PCDH9: variants seen among roughly 807,000 people sequenced by gnomAD.
The protein encoded by PCDH9 is protocadherin-9.
A neutral mutation model predicts 70.6 loss-of-function variants in PCDH9; 24 were observed. That is an observed-to-expected ratio of 0.34 (90% confidence interval 0.25 to 0.48). The LOEUF (loss-of-function observed/expected upper bound fraction) is 0.48. PCDH9 is among the 20% of genes least tolerant of loss of function. PCDH9 has a pLI of 0.99. For missense variants in PCDH9, 1,281 were observed against 1,503.6 expected (o/e 0.85, Z 2.45); for synonymous variants, 562 against 558.5 (o/e 1.01, Z -0.09).
intron 4 of PCDH9, among the ~76,000 whole-genome samples, chr13:66,584,660 A>G (rs1469923294): frequency 6.6e-6 from 1 of 152,190 alleles, no homozygotes; most frequent in Non-Finnish European, 1.5e-5. Context: ...CTTTTACAGT[A>G]GTCTTCATCA....
At chr13:66,736,091 C>A (rs1341901013) in intron 3 of PCDH9, among the ~76,000 whole-genome samples, 3 of 152,084 alleles carry the variant, frequency 2.0e-5, no homozygotes, top group Non-Finnish European at 4.4e-5. Flanking sequence ...ATGTATCTTT[C>A]ATTATCTATT....
intron 3 of PCDH9, among the ~76,000 whole-genome samples, chr13:66,787,021 A>T (rs2080090464): frequency 6.6e-6 from 1 of 152,200 alleles, no homozygotes; most frequent in Non-Finnish European, 1.5e-5. Flanking sequence ...CAACATCTTA[A>T]CCAAGCTTCT....
chr13:66,731,118 G>T (rs1257728566), intron 3 of PCDH9, among the ~76,000 whole-genome samples: 2 of 151,862 alleles, frequency 1.3e-5, no homozygotes, highest in Non-Finnish European at 2.9e-5. Flanking sequence ...ATTTAGAAAA[G>T]AATCATTCGA....
intron 2 of PCDH9, among the ~76,000 whole-genome samples, chr13:67,028,138 T>C (rs1566373314): frequency 6.7e-6 from 1 of 149,354 alleles, no homozygotes; most frequent in African/African-American, 2.5e-5. Context: ...CTTGCGGCAC[T>C]ATTCACAATA....
chr13:66,708,301 G>A (rs1316028334), intron 3 of PCDH9, among the ~76,000 whole-genome samples: 2 of 151,740 alleles, frequency 1.3e-5, no homozygotes, highest in Non-Finnish European at 2.9e-5. Flanking sequence ...CGCCCGCCTC[G>A]GCCTCCCAAA....
chr13:66,829,758 A>G (rs1289092078), intron 3 of PCDH9, among the ~76,000 whole-genome samples: 2 of 138,060 alleles, frequency 1.4e-5, no homozygotes, highest in Non-Finnish European at 3.1e-5. Flanking sequence ...TTCATTTAGA[A>G]TATTGAAAAA....
At chr13:66,396,080 T>C (rs77691144) in intron 4 of PCDH9, among the ~76,000 whole-genome samples, 3,381 of 152,254 alleles carry the variant, frequency 0.022, 58 homozygotes, top group Non-Finnish European at 0.033. Flanking sequence ...GTATATAGAA[T>C]GTATCTAGCT....
chr13:66,733,045 C>T (rs575947753), intron 3 of PCDH9, among the ~76,000 whole-genome samples: 24 of 152,122 alleles, frequency 1.6e-4, no homozygotes, highest in Non-Finnish European at 2.9e-4. Context: ...ATTTTAACAG[C>T]AACAAGTGTT....
At chr13:67,135,108 A>G (rs1442770937) in intron 2 of PCDH9, among the ~76,000 whole-genome samples, 1 of 152,146 alleles carries the variant, frequency 6.6e-6, no homozygotes, top group Non-Finnish European at 1.5e-5. Context: ...TATTTATACA[A>G]CTTACTATGA....
chr13:67,164,844 C>CCCCT (rs2088065950), intron 2 of PCDH9, among the ~76,000 whole-genome samples: 1 of 152,176 alleles, frequency 6.6e-6, no homozygotes, highest in Non-Finnish European at 1.5e-5. Context: ...GGAACTTCTG[C>CCCCT]ATCCCTCCTC....
At chr13:66,862,074 C>T (rs1297527845) in intron 3 of PCDH9, among the ~76,000 whole-genome samples, 2 of 152,256 alleles carry the variant, frequency 1.3e-5, no homozygotes, top group Middle Eastern at 3.4e-3. Context: ...CAGCAATATG[C>T]CATCATTAGT....
rs199942381 is a variant in PCDH9, at chr13:67,227,517, A to G, written c.924T>C (p.Thr308=). 1.1e-5 allele frequency: 17 copies of G among 1,613,694 alleles called. No homozygotes were observed. In the East Asian group the frequency reaches 3.8e-4, roughly 36 times the overall value. Residue 308 remains threonine (T), a synonymous_variant, in exon 2 of 5, where the codon ACT becomes ACC. Transcript: ENST00000377865. This position sits in a 1 kb window ranked among gnomAD's most constrained non-coding sequence, Gnocchi z 4.6. ...ACCTCTGAACTGTAATCAGCCCAGT[A>G]GTATTATTTAAAGCAAAGAGTCTTT... ...ATKRLFALNN[T]TGLITVQRSL... is the part of the protein sequence containing the mutation.
chr13:66,578,497 T>C lies in PCDH9; in HGVS notation c.3340+52713A>G, dbSNP rs1392607409. Among the ~76,000 whole-genome samples, 4 of 152,190 alleles carry C rather than the reference T, an allele frequency of 2.6e-5. No individual in the cohort carries two copies. The East Asian group carries it at 7.7e-4, about 29-fold the overall frequency. On this transcript the variant is annotated intron_variant, in intron 4 of 4. Transcript: ENST00000377865. ...CCTGGATGATCATTCTACATGTTTG[T>C]TGAGTGGGTGTAGTTTGACTCATGG...
intron 4 of PCDH9, among the ~76,000 whole-genome samples, chr13:66,407,300 C>A (rs566650201): frequency 6.6e-6 from 1 of 152,344 alleles, no homozygotes; most frequent in South Asian, 2.1e-4. Flanking sequence ...TGCTCCCTGA[C>A]AGAATCTCTT....
chr13:66,510,883 T>C (rs956760564), intron 4 of PCDH9, among the ~76,000 whole-genome samples: 1 of 152,208 alleles, frequency 6.6e-6, no homozygotes, highest in Non-Finnish European at 1.5e-5. Flanking sequence ...TGAATATATA[T>C]GCAACATTAG....
At chr13:66,746,317 C>G (rs1166196579) in intron 3 of PCDH9, among the ~76,000 whole-genome samples, 1 of 152,070 alleles carries the variant, frequency 6.6e-6, no homozygotes, top group Non-Finnish European at 1.5e-5. Flanking sequence ...TTTGTAAAAG[C>G]AATTATAAAA....
At chr13:66,706,868 G>A (rs2078718391) in intron 3 of PCDH9, among the ~76,000 whole-genome samples, 2 of 152,162 alleles carry the variant, frequency 1.3e-5, no homozygotes, top group South Asian at 2.1e-4. Flanking sequence ...TTGGGTTACT[G>A]GGCATCTCAC....
chr13:66,959,110 C>T (rs1347275671), intron 2 of PCDH9, among the ~76,000 whole-genome samples: 1 of 152,074 alleles, frequency 6.6e-6, no homozygotes, highest in African/African-American at 2.4e-5. Flanking sequence ...AACAGACTTA[C>T]ATCCTTAAGT....
intron 4 of PCDH9, among the ~76,000 whole-genome samples, chr13:66,384,566 A>G (rs916329074): frequency 6.6e-6 from 1 of 151,922 alleles, no homozygotes; most frequent in East Asian, 1.9e-4. Flanking sequence ...TTTCTTAGGT[A>G]ATTTCTAGTA....
Sources: gnomAD v4.1 joint callset for allele counts (sites outside exome capture counted in the v4.1 genomes callset) on GRCh38, gnomAD v4.1.1 for gene constraint, Gnocchi (gnomAD v3.1) non-coding constraint, MANE v1.5 for transcripts, NCBI Gene and HGNC (gene_info 2026-07-23, HGNC 2026-07-21) for gene names.